The following BNC2 variants were observed in gnomAD, a reference collection of about 807,000 sequenced individuals.
BNC2 encodes the protein zinc finger protein basonuclin-2.
In BNC2, 20 loss-of-function variants were observed where a neutral mutation model predicts 76.3. The observed-to-expected ratio is 0.26, with a 90% CI of 0.18 to 0.38. The LOEUF is 0.38. BNC2 is among the 10% of genes least tolerant of loss of function. The pLI is 1.00. For synonymous variants in BNC2, 582 were observed against 514.8 expected (o/e 1.13, Z -1.77); for missense variants, 1,382 against 1,399.8 (o/e 0.99, Z 0.20).
At chr9:16,672,027 G>A (rs1822492180) in intron 3 of BNC2, among the ~76,000 whole-genome samples, 1 of 152,146 alleles carries the variant, frequency 6.6e-6, no homozygotes, top group African/African-American at 2.4e-5. Context: ...AAATCTTTTA[G>A]TGGTTACTGA....
intron 4 of BNC2, among the ~76,000 whole-genome samples, chr9:16,582,132 C>A (rs142003817): frequency 3.3e-5 from 5 of 152,222 alleles, no homozygotes; most frequent in African/African-American, 1.2e-4. Context: ...AGAGGCAATA[C>A]CCGGGGCTGT....
chr9:16,824,280 T>C (rs1409447256), intron 1 of BNC2, among the ~76,000 whole-genome samples: 1 of 152,226 alleles, frequency 6.6e-6, no homozygotes, highest in East Asian at 1.9e-4. Flanking sequence ...TTGGTCATTT[T>C]ATGATACAAC....
At chr9:16,485,846 C>T (rs915972486) in intron 5 of BNC2, among the ~76,000 whole-genome samples, 4 of 152,120 alleles carry the variant, frequency 2.6e-5, no homozygotes, top group African/African-American at 9.7e-5. Context: ...ATGTTCCAGG[C>T]AGTCCACAAC....
chr9:16,863,850 T>G (rs1261031991), intron 1 of BNC2, among the ~76,000 whole-genome samples: 3 of 152,160 alleles, frequency 2.0e-5, no homozygotes, highest in Non-Finnish European at 4.4e-5. Flanking sequence ...TTTGGAAAAC[T>G]GACAAAATCT....
intron 1 of BNC2, among the ~76,000 whole-genome samples, chr9:16,834,806 A>T (rs1263569008): frequency 6.6e-6 from 1 of 152,180 alleles, no homozygotes; most frequent in Non-Finnish European, 1.5e-5. Flanking sequence ...TAAATGGATT[A>T]AGAGATAGTG....
chr9:16,493,285 A>G (rs1160633105), intron 5 of BNC2, among the ~76,000 whole-genome samples: 1 of 152,224 alleles, frequency 6.6e-6, no homozygotes, highest in African/African-American at 2.4e-5. Context: ...AAACAGTTAC[A>G]TCTACCTTAT....
chr9:16,813,596 C>T (rs2135877142), intron 1 of BNC2, among the ~76,000 whole-genome samples: 1 of 152,266 alleles, frequency 6.6e-6, no homozygotes, highest in Non-Finnish European at 1.5e-5. Flanking sequence ...TCTTAAAAAT[C>T]TATCCTGAAC....
In BNC2 at chr9:16,484,709, C is replaced by A. The variant is rs1739987021; in HGVS notation, c.670-47185G>T. On this transcript the variant is annotated intron_variant, in intron 5 of 6. Transcript: ENST00000380672. ...TGAAGGACAGCCTTTATGTATATACCCGATCAAGCTCTTAAGTTTCAGGTG... is the reference window on the plus strand; with the variant it reads ...TGAAGGACAGCCTTTATGTATATACACGATCAAGCTCTTAAGTTTCAGGTG... Among the ~76,000 whole-genome samples, 3 of 152,274 alleles carry A rather than the reference C, an allele frequency of 2.0e-5. No homozygotes were observed. The South Asian group carries it at 6.2e-4, about 32-fold the overall frequency.
intron 6 of BNC2, among the ~76,000 whole-genome samples, chr9:16,433,512 C>G (rs569511959): frequency 1.3e-5 from 2 of 152,216 alleles, no homozygotes; most frequent in South Asian, 2.1e-4. Context: ...GTATATATGG[C>G]TAGTCACTCA....
At chr9:16,793,874 T>TC (rs1379663418) in intron 1 of BNC2, among the ~76,000 whole-genome samples, 2 of 143,640 alleles carry the variant, frequency 1.4e-5, no homozygotes, top group Non-Finnish European at 3.1e-5. Context: ...TTTTGTTTTT[T>TC]TTTTTTTTTA....
chr9:16,641,256 T>C (rs577736213), intron 3 of BNC2, among the ~76,000 whole-genome samples: 2 of 152,294 alleles, frequency 1.3e-5, no homozygotes, highest in South Asian at 2.1e-4. Flanking sequence ...ATACTTCAGA[T>C]TGTAAATCAT....
intron 4 of BNC2, among the ~76,000 whole-genome samples, chr9:16,558,466 G>C (rs934345864): frequency 3.9e-5 from 6 of 152,014 alleles, no homozygotes; most frequent in Admixed American, 6.6e-5. Flanking sequence ...TACTATCCCT[G>C]GAATCTTCTG....
intron 5 of BNC2, among the ~76,000 whole-genome samples, chr9:16,471,852 C>T (rs539873394): frequency 6.6e-6 from 1 of 152,002 alleles, no homozygotes; most frequent in Non-Finnish European, 1.5e-5. Context: ...GTAGGAGGCA[C>T]CGAGGGGGAG....
intron 3 of BNC2, among the ~76,000 whole-genome samples, chr9:16,638,577 T>C (rs541805183): frequency 6.6e-6 from 1 of 152,280 alleles, no homozygotes; most frequent in Non-Finnish European, 1.5e-5. Context: ...ACCCCTCAAA[T>C]GGCCTGTATG....
intron 3 of BNC2, among the ~76,000 whole-genome samples, chr9:16,593,999 G>A (rs1820000738): frequency 6.6e-6 from 1 of 151,852 alleles, no homozygotes; most frequent in Non-Finnish European, 1.5e-5. Flanking sequence ...TTTCACTAAT[G>A]CAATTTGAAA....
chr9:16,435,980 C>T lies in BNC2; in HGVS notation c.2214G>A (p.Met738Ile). The T allele has an allele frequency of 6.2e-7, 1 of 1,614,190 alleles. No homozygotes were observed. The highest frequency in any genetic ancestry group is 8.5e-7 in the Non-Finnish European group (1 of 1,180,028). Residue 738 changes from methionine to isoleucine, a missense_variant, in exon 6 of 7, where the codon ATG becomes ATA. Physicochemically the swap from Met to Ile is conservative, Grantham distance 10. Coordinates refer to ENST00000380672, the MANE Select transcript of BNC2 (RefSeq NM_017637.6). Reference protein sequence around the residue: ...SSEPKLGEESMEGDEHIHSEV... With the variant: ...SSEPKLGEESIEGDEHIHSEV... The stretch of plus-strand genomic sequence containing the variant: ...CGCTGTGAATGTGCTCATCCCCTTC[C>T]ATGGATTCCTCGCCCAGTTTGGGCT...
chr9:16,762,632 TG>T (rs1185402655), intron 1 of BNC2, among the ~76,000 whole-genome samples: 1 of 152,206 alleles, frequency 6.6e-6, no homozygotes, highest in African/African-American at 2.4e-5. Flanking sequence ...TTTGTGTTCC[TG>T]GTTTTGCTAT....
At chr9:16,659,147 CGG>C (rs34748774) in intron 3 of BNC2, among the ~76,000 whole-genome samples, 38,969 of 150,212 alleles carry the variant, frequency 0.26, 5,192 homozygotes, top group South Asian at 0.38. Context: ...AGATGGATGG[CGG>C]GGGGGGGCAT....
chr9:16,656,612 A>G (rs1322212024), intron 3 of BNC2, among the ~76,000 whole-genome samples: 1 of 152,200 alleles, frequency 6.6e-6, no homozygotes, highest in Non-Finnish European at 1.5e-5. Flanking sequence ...CAACCAGAAT[A>G]ATAAACATAT....
Sources: allele counts gnomAD v4.1 joint callset (sites outside exome capture counted in the v4.1 genomes callset), GRCh38; gene constraint gnomAD v4.1.1; transcripts MANE v1.5; gene names NCBI Gene and HGNC (gene_info 2026-07-23, HGNC 2026-07-21).